The following CD160 variants were observed in gnomAD, a reference collection of about 807,000 sequenced individuals.
CD160 encodes CD160 molecule.
A neutral mutation model predicts 19.2 loss-of-function variants in CD160; 11 were observed. That is an observed-to-expected ratio of 0.57 (90% CI 0.36 to 0.95). The LOEUF (loss-of-function observed/expected upper bound fraction) is 0.95, where lower values mean the gene tolerates loss of function less well. Among genes scored for constraint, CD160 ranks in the 40% least tolerant of loss-of-function variants. The pLI is 0.01. For missense variants in CD160, 182 were observed against 213.2 expected (o/e 0.85, Z 0.91); for synonymous variants, 75 against 81.1 (o/e 0.93, Z 0.40).
chr1:145,738,341 A>G (rs1553710533), intron 5 of CD160, 145 bp from the exon 6 acceptor site: 4 of 464,408 alleles, frequency 8.6e-6, no homozygotes, highest in African/African-American at 6.0e-5. Flanking sequence ...AATACATAAA[A>G]TAGTTCCCAC....
At chr1:145,732,305 G>C (rs1407810683) in intron 4 of CD160, among the ~76,000 whole-genome samples, 1 of 152,166 alleles carries the variant, frequency 6.6e-6, no homozygotes, top group African/African-American at 2.4e-5. Flanking sequence ...TTTCAAAGAA[G>C]CTACCAGAGG....
At position 145,720,977 on chromosome 1, in the gene CD160, G is replaced by A. The variant is rs587600761; in HGVS notation, c.-179+1418G>A. 5.9e-5 allele frequency among the ~76,000 whole-genome samples: 9 copies of A among 152,258 alleles called. No homozygotes were observed. In the East Asian group the frequency reaches 1.5e-3, roughly 26 times the overall value. On this transcript the variant is annotated intron_variant, in intron 1 of 5. Transcript: ENST00000369288. ...GCCACCAGCGCAGCTCAGGAGCCCC[G>A]GGGACCATCAAAGATGAGGATGCCA...
chr1:145,736,338 C>T, intron 5 of CD160: 1 of 1,468,258 alleles, frequency 6.8e-7, no homozygotes, highest in South Asian at 1.3e-5. Context: ...ATAAATCAGA[C>T]TTTTCAATGG....
chr1:145,735,988 T>C lies in CD160; in HGVS notation c.401-9T>C. ...CCCTCCCCTGATCCATGATTCTCTT[T>C]TGAACCAGAGACAGGGAACTACACA... On this transcript the variant is annotated splice_polypyrimidine_tract_variant and intron_variant, in intron 4 of 5. Coordinates refer to ENST00000369288, the MANE Select transcript of CD160 (RefSeq NM_007053.4). The C allele has an allele frequency of 6.3e-7, 1 of 1,598,698 alleles. No individual in the cohort carries two copies. The highest frequency in any genetic ancestry group is 1.3e-5 in the African/African-American group (1 of 74,512).
Position 145,731,058 on chromosome 1 carries a change from A to G in CD160, c.388A>G (p.Ile130Val), listed in dbSNP as rs1657273939. The change falls in exon 4 of 6, where the codon ATT (isoleucine) becomes GTT (valine). Residue 130 changes from isoleucine to valine, a missense_variant. Transcript: ENST00000369288. Reference sequence around the variant, plus strand: ...CCGCCTTCAGGGCCATTTTTTCTCCATTCTATTCACAGGTGAGTGCTCAAA... The same window carrying G: ...CCGCCTTCAGGGCCATTTTTTCTCCGTTCTATTCACAGGTGAGTGCTCAAA... ...GIRLQGHFFS[I>V]LFTETGNYTV... 6.2e-7 allele frequency: 1 copy of G among 1,613,552 alleles called. No individual in the cohort carries two copies. Among genetic ancestry groups the G allele is most frequent in the Admixed American group, 1.7e-5 (1 of 60,014 alleles).
chr1:145,731,914 T>C (rs1297806077), intron 4 of CD160, among the ~76,000 whole-genome samples: 11 of 152,276 alleles, frequency 7.2e-5, no homozygotes, highest in African/African-American at 2.4e-4. Flanking sequence ...TTCTAGCTCC[T>C]GGAATCAGAA....
At chr1:145,728,139 G>T in intron 2 of CD160, 117 bp from the exon 3 acceptor site, 1 of 557,736 alleles carries the variant, frequency 1.8e-6, no homozygotes, top group Non-Finnish European at 3.2e-6. Flanking sequence ...GGACTCTCAT[G>T]CCCAAGCCCT....
chr1:145,721,744 T>C (rs1357380937), intron 1 of CD160, among the ~76,000 whole-genome samples: 1 of 152,096 alleles, frequency 6.6e-6, no homozygotes, highest in African/African-American at 2.4e-5. Context: ...TTCCCCACCT[T>C]AATTCACCCA....
intron 2 of CD160, among the ~76,000 whole-genome samples, chr1:145,726,489 C>G (rs781912696): frequency 2.6e-4 from 40 of 152,120 alleles, no homozygotes; most frequent in Non-Finnish European, 5.7e-4. Context: ...GGACAGGAAA[C>G]CAAACACTGC....
intron 3 of CD160, 48 bp downstream of exon 3, chr1:145,728,448 C>T: frequency 5.8e-6 from 7 of 1,204,884 alleles, no homozygotes; most frequent in Non-Finnish European, 8.6e-6. Flanking sequence ...GGATCCTGGG[C>T]TTGTGGGAAG....
intron 4 of CD160, among the ~76,000 whole-genome samples, chr1:145,734,500 GA>G (rs1553709836): frequency 6.6e-6 from 1 of 152,154 alleles, no homozygotes; most frequent in Admixed American, 6.5e-5. Context: ...CTATTTATGT[GA>G]ATACATTGCT....
At position 145,730,809 on chromosome 1, in the gene CD160, T is replaced by C; in HGVS notation, c.139T>C (p.Trp47Arg). 6.2e-7 allele frequency: 1 copy of C among 1,614,176 alleles called. No individual in the cohort carries two copies. Among genetic ancestry groups the C allele is most frequent in the East Asian group, 2.2e-5 (1 of 44,884 alleles). Residue 47 changes from tryptophan to arginine, a missense_variant, in exon 4 of 6, where the codon TGG (tryptophan) becomes CGG (arginine). Coordinates refer to ENST00000369288, the MANE Select transcript of CD160 (RefSeq NM_007053.4). ...GCGACTAAACTTAATCTGTACTGTATGGCATAAGAAAGAAGAGGCTGAGGG... is the reference window on the plus strand; with the variant it reads ...GCGACTAAACTTAATCTGTACTGTACGGCATAAGAAAGAAGAGGCTGAGGG... ...GTRLNLICTV[W>R]HKKEEAEGFV...
intron 4 of CD160, among the ~76,000 whole-genome samples, chr1:145,733,366 T>C (rs1193046568): frequency 2.0e-5 from 3 of 152,194 alleles, no homozygotes; most frequent in Admixed American, 2.0e-4. Flanking sequence ...CTCAAACTCC[T>C]GACCTCAGGT....
intron 3 of CD160, 100 bp downstream of exon 3, chr1:145,728,500 T>A: frequency 1.3e-4 from 53 of 410,660 alleles, no homozygotes; most frequent in Middle Eastern, 6.1e-4. Flanking sequence ...AACAAAGGAC[T>A]CTTTTTTTTT....
intron 5 of CD160, 148 bp downstream of exon 5, chr1:145,736,282 G>GGCTA (rs1657490668): frequency 6.4e-7 from 1 of 1,552,450 alleles, no homozygotes; most frequent in Non-Finnish European, 8.7e-7. Context: ...CCACAGGAAA[G>GGCTA]TTCAAACCAG....
rs949909526 is a variant in CD160, at chr1:145,736,010, C to T, written c.414C>T (p.Tyr138=). 1.2e-6 allele frequency: 2 copies of T among 1,612,842 alleles called. No homozygotes were observed. The highest frequency in any genetic ancestry group is 1.7e-6 in the Non-Finnish European group (2 of 1,178,924). ...CTTTTGAACCAGAGACAGGGAACTACACAGTGACGGGATTGAAACAAAGAC... is the reference window on the plus strand; with the variant it reads ...CTTTTGAACCAGAGACAGGGAACTATACAGTGACGGGATTGAAACAAAGAC... ...FSILFTETGN[Y]TVTGLKQRQH... is the part of the protein sequence containing the mutation. The change falls in exon 5 of 6, where the codon TAC becomes TAT. Residue 138 remains tyrosine (Y), a synonymous_variant. Coordinates refer to ENST00000369288, the MANE Select transcript of CD160 (RefSeq NM_007053.4).
intron 4 of CD160, among the ~76,000 whole-genome samples, chr1:145,733,671 A>C (rs1201355995): frequency 1.3e-5 from 2 of 151,666 alleles, no homozygotes; most frequent in African/African-American, 2.4e-5. Flanking sequence ...CCTTCATCAA[A>C]CTGTCATCTC....
intron 1 of CD160, among the ~76,000 whole-genome samples, chr1:145,722,510 A>G (rs1490373740): frequency 1.3e-5 from 2 of 152,132 alleles, no homozygotes; most frequent in Admixed American, 6.5e-5. Context: ...AAATATGTCT[A>G]TTTATTAAAG....
chr1:145,730,201 T>C (rs587669699), intron 3 of CD160, among the ~76,000 whole-genome samples: 2 of 152,266 alleles, frequency 1.3e-5, no homozygotes, highest in Non-Finnish European at 2.9e-5. Context: ...ATACCTGTAG[T>C]GTTAGCTATT....
Sources: allele counts gnomAD v4.1 joint callset (sites outside exome capture counted in the v4.1 genomes callset), GRCh38; gene constraint gnomAD v4.1.1; transcripts MANE v1.5; gene names NCBI Gene and HGNC (gene_info 2026-07-23, HGNC 2026-07-21).